The following TMTC2 variants were observed in gnomAD, a reference collection of about 807,000 sequenced individuals.
The protein encoded by TMTC2 is transmembrane O-mannosyltransferase targeting cadherins 2.
TMTC2 carries 43 observed loss-of-function variants against 82.4 expected under a neutral mutation model. The ratio of observed to expected loss-of-function variants is 0.52; its 90% CI spans 0.41 to 0.67. The LOEUF (loss-of-function observed/expected upper bound fraction) is 0.67, where lower values mean the gene tolerates loss of function less well. Ranked by LOEUF, TMTC2 falls within the 30% of genes least tolerant of loss-of-function variation. The pLI is 0.00. For missense variants in TMTC2, 919 were observed against 1,012.4 expected, an observed-to-expected ratio of 0.91 and a Z score of 1.25; for synonymous variants, 408 against 381.9, an observed-to-expected ratio of 1.07 and a Z score of -0.80.
At chr12:82,813,782 A>C (rs1868534247) in intron 1 of TMTC2, among the ~76,000 whole-genome samples, 1 of 152,060 alleles carries the variant, frequency 6.6e-6, no homozygotes, top group African/African-American at 2.4e-5. Flanking sequence ...TATTGATTTA[A>C]TGTTTATGGT....
At position 82,777,003 on chromosome 12, in the gene TMTC2, C is replaced by T. The variant is rs568065104; in HGVS notation, c.84-80007C>T. 5.3e-5 allele frequency among the ~76,000 whole-genome samples: 8 copies of T among 152,286 alleles called. No individual in the cohort carries two copies. The South Asian group carries it at 1.7e-3, about 32-fold the overall frequency. ...CCTGAAAAAGAAGCCAGCCAACACA[C>T]TTTGATCTACATGGTGCCCTGTTTG... is the stretch of plus-strand genomic sequence containing the variant. On this transcript the variant is annotated intron_variant, in intron 1 of 11. Coordinates refer to ENST00000321196, the MANE Select transcript of TMTC2 (RefSeq NM_152588.3).
At chr12:83,020,626 AT>A (rs1880874411) in intron 8 of TMTC2, among the ~76,000 whole-genome samples, 1 of 151,480 alleles carries the variant, frequency 6.6e-6, no homozygotes, top group African/African-American at 2.4e-5. Flanking sequence ...TTATGATAAG[AT>A]GTTGGTTTTC....
chr12:82,803,288 G>C (rs1197537098), intron 1 of TMTC2, among the ~76,000 whole-genome samples: 1 of 152,080 alleles, frequency 6.6e-6, no homozygotes, highest in East Asian at 1.9e-4. Context: ...GTTACAGTAG[G>C]TAGCTAGCCA....
At chr12:83,076,622 A>G (rs973164222) in intron 11 of TMTC2, among the ~76,000 whole-genome samples, 34 of 152,228 alleles carry the variant, frequency 2.2e-4, no homozygotes, top group African/African-American at 7.9e-4. Flanking sequence ...CCCTTCCCCC[A>G]TCGCCGGTCA....
intron 1 of TMTC2, among the ~76,000 whole-genome samples, chr12:82,718,963 A>G (rs931859689): frequency 6.6e-6 from 1 of 150,912 alleles, no homozygotes; most frequent in Non-Finnish European, 1.5e-5. Flanking sequence ...TATTGATTAT[A>G]AAAATGAAGC....
In TMTC2 at chr12:82,926,300, G is replaced by A. The variant is rs143214777; in HGVS notation, c.1484-4131G>A. Among the ~76,000 whole-genome samples the A allele has an allele frequency of 5.2e-3, 789 of 152,202 alleles. 6 individuals carry two copies. Among genetic ancestry groups the A allele is most frequent in the African/African-American group, 0.019 (769 of 41,546 alleles). The stretch of plus-strand genomic sequence containing the variant: ...GGCCACGGGAAAGTTTTATTGGCCC[G>A]GATAAAACATCAAACCAGCCATAAC... On this transcript the variant is annotated intron_variant, in intron 3 of 11. Transcript: ENST00000321196.
intron 1 of TMTC2, among the ~76,000 whole-genome samples, chr12:82,790,394 A>C (rs962127551): frequency 2.6e-5 from 4 of 152,070 alleles, no homozygotes; most frequent in Non-Finnish European, 4.4e-5. Context: ...AAATGCCAGT[A>C]ATTTGTTTGG....
chr12:82,733,952 T>C (rs1874960514), intron 1 of TMTC2, among the ~76,000 whole-genome samples: 1 of 152,164 alleles, frequency 6.6e-6, no homozygotes, highest in African/African-American at 2.4e-5. Flanking sequence ...CCCAGGTAGG[T>C]GCAGGTCACT....
intron 3 of TMTC2, among the ~76,000 whole-genome samples, chr12:82,901,310 CTT>C (rs1275831506): frequency 1.0e-5 from 1 of 99,660 alleles, no homozygotes; most frequent in African/African-American, 3.9e-5. Flanking sequence ...ATTTTTTTTT[CTT>C]TTTTTTTTTT....
At chr12:82,719,908 A>C (rs1012282921) in intron 1 of TMTC2, among the ~76,000 whole-genome samples, 4 of 152,230 alleles carry the variant, frequency 2.6e-5, no homozygotes, top group African/African-American at 9.6e-5. Flanking sequence ...GGCAAACAGT[A>C]GTCTTTACTA....
intron 3 of TMTC2, among the ~76,000 whole-genome samples, chr12:82,910,026 G>A (rs1796298): frequency 0.86 from 130,991 of 152,204 alleles, 57,160 homozygotes; most frequent in East Asian, 1. Flanking sequence ...CTGTAATATA[G>A]ATACAATTGC....
At chr12:82,735,504 C>A (rs1258033382) in intron 1 of TMTC2, among the ~76,000 whole-genome samples, 5 of 151,872 alleles carry the variant, frequency 3.3e-5, no homozygotes, top group Non-Finnish European at 7.4e-5. Context: ...CGCCACCACG[C>A]CCGGCTAATT....
intron 11 of TMTC2, among the ~76,000 whole-genome samples, chr12:83,126,604 G>A (rs1461622634): frequency 2.6e-5 from 4 of 152,044 alleles, no homozygotes; most frequent in African/African-American, 7.2e-5. Flanking sequence ...GATAAAATTC[G>A]AAGACAGATT....
intron 4 of TMTC2, among the ~76,000 whole-genome samples, chr12:82,951,011 C>G (rs993076682): frequency 2.6e-5 from 4 of 152,256 alleles, no homozygotes; most frequent in Non-Finnish European, 4.4e-5. Flanking sequence ...AAACAAAATT[C>G]AATTTAGAAC....
chr12:82,962,109 T>C (rs1452559580), intron 4 of TMTC2, among the ~76,000 whole-genome samples: 7 of 152,082 alleles, frequency 4.6e-5, no homozygotes, highest in Non-Finnish European at 4.4e-5. Flanking sequence ...AACAGGGTTG[T>C]CCTAGTGTGG....
intron 1 of TMTC2, among the ~76,000 whole-genome samples, chr12:82,837,303 T>A (rs2137084332): frequency 6.6e-6 from 1 of 152,244 alleles, no homozygotes; most frequent in South Asian, 2.1e-4. Flanking sequence ...ATTAAATGAT[T>A]TGATTCAATA....
intron 3 of TMTC2, among the ~76,000 whole-genome samples, chr12:82,914,436 C>T (rs560004641): frequency 6.6e-6 from 1 of 152,202 alleles, no homozygotes; most frequent in South Asian, 2.1e-4. Flanking sequence ...ATGGAATATT[C>T]TCCCTGATGT....
At chr12:82,938,736 C>T (rs528751773) in intron 4 of TMTC2, among the ~76,000 whole-genome samples, 11 of 152,184 alleles carry the variant, frequency 7.2e-5, no homozygotes, top group Admixed American at 2.0e-4. Flanking sequence ...TAGTATATAA[C>T]GTTCATTTTG....
rs564971423 is a variant in TMTC2, at chr12:83,064,973, C to T, written c.2331+3142C>T. Among the ~76,000 whole-genome samples the T allele has an allele frequency of 2.0e-5, 3 of 152,002 alleles. No homozygotes were observed. In the East Asian group the frequency reaches 5.8e-4, roughly 29 times the overall value. Reference sequence around the variant, plus strand: ...TTCCATTGTCTTTTCTAGTTTTATCCCCTACACAGTAATCTAATCTTACTC... The same window carrying T: ...TTCCATTGTCTTTTCTAGTTTTATCTCCTACACAGTAATCTAATCTTACTC... On this transcript the variant is annotated intron_variant, in intron 11 of 11. Coordinates refer to ENST00000321196, the MANE Select transcript of TMTC2 (RefSeq NM_152588.3).
Sources: allele counts gnomAD v4.1 joint callset (sites outside exome capture counted in the v4.1 genomes callset), GRCh38; gene constraint gnomAD v4.1.1; transcripts MANE v1.5; gene names NCBI Gene and HGNC (gene_info 2026-07-23, HGNC 2026-07-21).